ART3: variants seen among roughly 807,000 people sequenced by gnomAD.
The protein encoded by ART3 is ADP-ribosyltransferase 3 (inactive).
Under a neutral mutation model 48.5 loss-of-function variants are expected in ART3, and 49 were observed. The ratio of observed to expected loss-of-function variants is 1.01; its 90% confidence interval spans 0.80 to 1.28. The LOEUF is 1.28. ART3 is among the 50% of genes most tolerant of loss of function. The probability of loss-of-function intolerance (pLI) is 0.00; values close to 1 mark genes in which losing one functional copy is unlikely to be tolerated. For synonymous variants in ART3, 145 were observed against 157.2 expected (o/e 0.92, Z 0.58); for missense variants, 438 against 454.3 (o/e 0.96, Z 0.33).
chr4:76,069,426 A>C (rs759510906), intron 1 of ART3, among the ~76,000 whole-genome samples: 2 of 119,432 alleles, frequency 1.7e-5, no homozygotes, highest in Admixed American at 1.2e-4. Flanking sequence ...GTCTGTCTCT[A>C]TCACCCAGGC....
At chr4:76,038,165 C>T (rs1207511265) in intron 1 of ART3, among the ~76,000 whole-genome samples, 8 of 152,174 alleles carry the variant, frequency 5.3e-5, no homozygotes, top group African/African-American at 1.9e-4. Context: ...TATCATTTCA[C>T]AGCATCACTA....
At position 76,103,946 on chromosome 4, in the gene ART3, T is replaced by C. The variant is rs752745496; in HGVS notation, c.947T>C (p.Ile316Thr). The C allele has an allele frequency of 3.1e-6, 5 of 1,613,204 alleles. No individual in the cohort carries two copies. In the South Asian group the frequency reaches 5.5e-5, roughly 18 times the overall value. The change falls in exon 9 of 12, where the codon ATC becomes ACC. Residue 316 changes from isoleucine to threonine, a missense_variant. Physicochemically the swap from Ile to Thr is moderately conservative, Grantham distance 89 (BLOSUM62 -1). This residue lies in a region of ART3 where 227 missense variants were observed against 229.6 expected (regional missense o/e 0.99). Coordinates refer to ENST00000355810, the MANE Select transcript of ART3 (RefSeq NM_001130016.3). ...TTATTTCTGCCTTTAGGTGTGAAAA[T>C]CCTTGAACCCACCCAAATACCTGGT... ...NQKLEDHGVKILEPTQIPGMK... is the reference protein window; with the variant it reads ...NQKLEDHGVKTLEPTQIPGMK...
chr4:76,104,054 C>G, intron 9 of ART3, 85 bp downstream of exon 9: 2 of 1,370,248 alleles, frequency 1.5e-6, no homozygotes, highest in South Asian at 1.2e-5. Flanking sequence ...TGTCATGAGA[C>G]TATTATTCAT....
At chr4:76,077,499 ATG>A (rs1232002054) in intron 2 of ART3, among the ~76,000 whole-genome samples, 3 of 152,180 alleles carry the variant, frequency 2.0e-5, no homozygotes, top group Non-Finnish European at 2.9e-5. Flanking sequence ...TTATGTGAAC[ATG>A]TGTTTTATTT....
At chr4:76,035,905 A>G (rs1435781960) in intron 1 of ART3, 5 of 1,605,906 alleles carry the variant, frequency 3.1e-6, no homozygotes, top group Middle Eastern at 1.7e-4. Context: ...TTATAGGTTG[A>G]GAAATAAAAA....
chr4:76,035,371 A>G (rs772408462), intron 1 of ART3: 3 of 1,609,328 alleles, frequency 1.9e-6, no homozygotes, highest in Middle Eastern at 1.7e-4. Flanking sequence ...TTAGTTAGTA[A>G]TGCATCTGAT....
At chr4:76,022,693 G>C in intron 1 of ART3, 2 of 1,613,580 alleles carry the variant, frequency 1.2e-6, no homozygotes, top group African/African-American at 2.7e-5. Context: ...TCACTCACAT[G>C]ATCTCAACAC....
chr4:76,072,335 C>A (rs374920836), upstream of ART3, among the ~76,000 whole-genome samples: 13 of 152,272 alleles, frequency 8.5e-5, no homozygotes, highest in African/African-American at 2.4e-4. Context: ...TGTGTCTAAT[C>A]TACAAAAGTC....
chr4:76,071,383 A>G (rs894538857), upstream of ART3, among the ~76,000 whole-genome samples: 10 of 149,990 alleles, frequency 6.7e-5, no homozygotes, highest in African/African-American at 2.5e-4. Context: ...AAAAAAAAAA[A>G]TTCTTGGACT....
intron 3 of ART3, among the ~76,000 whole-genome samples, chr4:76,089,501 G>A (rs189924614): frequency 2.0e-5 from 3 of 152,180 alleles, no homozygotes; most frequent in African/African-American, 4.8e-5. Context: ...CATGTAAGAC[G>A]AGCCTGCTTC....
At chr4:76,040,269 G>C (rs757879882) in intron 1 of ART3, among the ~76,000 whole-genome samples, 2 of 152,124 alleles carry the variant, frequency 1.3e-5, no homozygotes, top group Non-Finnish European at 2.9e-5. Flanking sequence ...AAGTTGCAGC[G>C]AGCCAAGATC....
At chr4:76,095,034 C>CT (rs1349154081) in intron 3 of ART3, among the ~76,000 whole-genome samples, 1 of 151,970 alleles carries the variant, frequency 6.6e-6, no homozygotes, top group East Asian at 1.9e-4. Flanking sequence ...TTTTTCATTC[C>CT]TTATATATTT....
intron 1 of ART3, among the ~76,000 whole-genome samples, chr4:76,053,426 T>C (rs10016135): frequency 0.59 from 88,831 of 151,772 alleles, 26,851 homozygotes; most frequent in East Asian, 0.94. Context: ...AAAAAAAAAC[T>C]AGCTATTATT....
intron 3 of ART3, among the ~76,000 whole-genome samples, chr4:76,089,489 G>A (rs946938876): frequency 3.3e-5 from 5 of 151,974 alleles, no homozygotes; most frequent in Non-Finnish European, 7.4e-5. Flanking sequence ...TCTTGCTCTG[G>A]CCATGTAAGA....
chr4:76,064,358 A>G (rs115408893), intron 1 of ART3, among the ~76,000 whole-genome samples: 2,283 of 152,344 alleles, frequency 0.015, 58 homozygotes, highest in African/African-American at 0.053. Context: ...AAAGTGAGGC[A>G]TGATTTTAAG....
chr4:76,079,637 G>C lies in ART3; in HGVS notation c.70-2187G>C, dbSNP rs535152064. On this transcript the variant is annotated intron_variant, in intron 2 of 11. Coordinates refer to ENST00000355810, the MANE Select transcript of ART3 (RefSeq NM_001130016.3). ...TGGCTAACTGGAATATGTTGGGTCT[G>C]CAAAAGAGTCTAAGAAGAAATGCTC... Among the ~76,000 whole-genome samples, 35 of 152,272 alleles carry C rather than the reference G, an allele frequency of 2.3e-4. 1 individual carries two copies. The South Asian group carries it at 7.1e-3, about 31-fold the overall frequency.
At chr4:76,078,471 T>C (rs1371457341) in intron 2 of ART3, among the ~76,000 whole-genome samples, 1 of 152,164 alleles carries the variant, frequency 6.6e-6, no homozygotes, top group Non-Finnish European at 1.5e-5. Flanking sequence ...AAAGTGCATT[T>C]CTTGGCTATG....
intron 3 of ART3, among the ~76,000 whole-genome samples, chr4:76,084,353 C>T (rs1269640646): frequency 6.6e-6 from 1 of 152,244 alleles, no homozygotes; most frequent in East Asian, 1.9e-4. Context: ...AGAAAATTTT[C>T]TAAGTCTCTG....
intron 1 of ART3, 23 bp downstream of exon 1, chr4:76,074,842 A>T (rs1720717968): frequency 6.6e-6 from 1 of 152,150 alleles, no homozygotes; most frequent in African/African-American, 2.4e-5. Context: ...ACTTATTTAC[A>T]CTCAGACTAA....
Sources: allele counts gnomAD v4.1 joint callset (sites outside exome capture counted in the v4.1 genomes callset), GRCh38; gene constraint gnomAD v4.1.1; regional missense constraint gnomAD v4.1.1; transcripts MANE v1.5; gene names NCBI Gene and HGNC (gene_info 2026-07-23, HGNC 2026-07-21).